UBE2R2: variants seen among roughly 807,000 people sequenced by gnomAD.
UBE2R2 encodes the protein ubiquitin conjugating enzyme E2 R2, also known as ubiquitin-conjugating enzyme E2 R2.
In UBE2R2, 1 loss-of-function variant was observed where a neutral mutation model predicts 27.8. The observed-to-expected ratio is 0.04, with a 90% CI of 0.01 to 0.17. The LOEUF (loss-of-function observed/expected upper bound fraction) is 0.17. Ranked by LOEUF, UBE2R2 falls within the 10% of genes least tolerant of loss-of-function variation. UBE2R2 has a pLI of 1.00. For synonymous variants in UBE2R2, 106 were observed against 113.3 expected (o/e 0.94, Z 0.41); for missense variants, 100 against 291.0 (o/e 0.34, Z 4.78).
intron 1 of UBE2R2, among the ~76,000 whole-genome samples, chr9:33,872,763 G>T (rs1165342438): frequency 6.7e-6 from 1 of 149,878 alleles, no homozygotes; most frequent in Non-Finnish European, 1.5e-5. Flanking sequence ...TCCAGCCTGG[G>T]CAACAAGAGC....
chr9:33,863,714 T>G (rs1304653257), intron 1 of UBE2R2, among the ~76,000 whole-genome samples: 1 of 152,142 alleles, frequency 6.6e-6, no homozygotes, highest in Non-Finnish European at 1.5e-5. Context: ...AGATAGAATC[T>G]CGTTGTGTCA....
upstream of UBE2R2, among the ~76,000 whole-genome samples, chr9:33,815,660 C>T (rs1283596633): frequency 6.6e-6 from 1 of 152,196 alleles, no homozygotes; most frequent in African/African-American, 2.4e-5. Flanking sequence ...TAGAGGATGG[C>T]TTAAGCCCAG....
intron 1 of UBE2R2, among the ~76,000 whole-genome samples, chr9:33,877,825 C>CTGTCTGTCTGTCTGTCTCTCTT (rs760584943): frequency 7.0e-6 from 1 of 143,696 alleles, no homozygotes; most frequent in Admixed American, 6.9e-5. Context: ...GTCTGTCTGT[C>CTGTCTGTCTGTCTGTCTCTCTT]TCTCTCTCTC....
At chr9:33,867,963 C>T (rs564762559) in intron 1 of UBE2R2, among the ~76,000 whole-genome samples, 4 of 152,230 alleles carry the variant, frequency 2.6e-5, no homozygotes, top group African/African-American at 9.6e-5. Context: ...GGATGGTGGC[C>T]CCTGTCCTCT....
At position 33,917,698 on chromosome 9, in the gene UBE2R2, A is replaced by C; in HGVS notation, c.*461A>C. On this transcript the variant is annotated 3_prime_UTR_variant, in exon 5 of 5. Transcript: ENST00000263228. ...AAATGGAAAAAAACCCACAAAACAAACTTTAAAAAAAAAAAAAAACAAATT... is the reference window on the plus strand; with the variant it reads ...AAATGGAAAAAAACCCACAAAACAACCTTTAAAAAAAAAAAAAAACAAATT... 1.0e-5 allele frequency: 2 copies of C among 200,340 alleles called. No homozygotes were observed. Among genetic ancestry groups the C allele is most frequent in the African/African-American group, 2.3e-5 (1 of 42,704 alleles). The allele number at this position is 200,340 out of a possible 1,614,324, so 12.4% of individuals were successfully genotyped here.
chr9:33,877,250 C>T (rs1176590674), intron 1 of UBE2R2, among the ~76,000 whole-genome samples: 2 of 147,796 alleles, frequency 1.4e-5, no homozygotes, highest in African/African-American at 2.5e-5. Flanking sequence ...GGCGCGATCT[C>T]GGCTCACTGC....
At chr9:33,834,380 T>A (rs1820566697) in intron 1 of UBE2R2, among the ~76,000 whole-genome samples, 1 of 151,598 alleles carries the variant, frequency 6.6e-6, no homozygotes, top group Non-Finnish European at 1.5e-5. Flanking sequence ...CCCAGCTGAT[T>A]TTTTGTATTT....
chr9:33,891,190 C>A (rs1276050169), intron 2 of UBE2R2, among the ~76,000 whole-genome samples: 1 of 151,656 alleles, frequency 6.6e-6, no homozygotes, highest in South Asian at 2.1e-4. Flanking sequence ...GCTGGGATTA[C>A]AGGTGCCTGC....
At chr9:33,841,525 CTAT>C (rs1396977336) in intron 1 of UBE2R2, among the ~76,000 whole-genome samples, 1 of 152,062 alleles carries the variant, frequency 6.6e-6, no homozygotes, top group Non-Finnish European at 1.5e-5. Flanking sequence ...GATTTATAAC[CTAT>C]TATTTCTTCA....
chr9:33,836,902 G>A (rs1040738226), intron 1 of UBE2R2, among the ~76,000 whole-genome samples: 5 of 152,036 alleles, frequency 3.3e-5, no homozygotes, highest in African/African-American at 4.8e-5. Flanking sequence ...TTAGAATTTC[G>A]AGGACATTAC....
chr9:33,878,010 G>A (rs111531864), intron 1 of UBE2R2, among the ~76,000 whole-genome samples: 29,885 of 151,832 alleles, frequency 0.2, 3,219 homozygotes, highest in South Asian at 0.33. Context: ...GCCCACCTCA[G>A]CCTCCCAAAG....
At chr9:33,847,394 C>A (rs1215249695) in intron 1 of UBE2R2, among the ~76,000 whole-genome samples, 1 of 152,066 alleles carries the variant, frequency 6.6e-6, no homozygotes, top group Non-Finnish European at 1.5e-5. Flanking sequence ...TGCGCCCGGC[C>A]CTGGCTTGCT....
intron 1 of UBE2R2, among the ~76,000 whole-genome samples, chr9:33,875,035 G>A (rs13299642): frequency 0.068 from 10,267 of 150,428 alleles, 492 homozygotes; most frequent in Non-Finnish European, 0.099. Context: ...GGCTGGTCTC[G>A]AACTCCTGAC....
chr9:33,863,315 C>T (rs998713694), intron 1 of UBE2R2, among the ~76,000 whole-genome samples: 9 of 151,730 alleles, frequency 5.9e-5, no homozygotes, highest in African/African-American at 2.2e-4. Context: ...CCTGAGGTCC[C>T]AGCCTGGTCA....
rs1294994319 is a variant in UBE2R2 at position 33,839,933 on chromosome 9, C to T, written c.177+21999C>T. ...ATTGCTTGAGCACAGAAGTTTGAGGCTGCAGTGAGCTATGATTGTGCCATT... is the reference window on the plus strand; with the variant it reads ...ATTGCTTGAGCACAGAAGTTTGAGGTTGCAGTGAGCTATGATTGTGCCATT... On this transcript the variant is annotated intron_variant, in intron 1 of 4. Transcript: ENST00000263228. Among the ~76,000 whole-genome samples the T allele has an allele frequency of 3.3e-5, 5 of 151,968 alleles. No homozygotes were observed. The East Asian group carries it at 9.6e-4, about 29-fold the overall frequency.
chr9:33,916,875 C>A, intron 4 of UBE2R2, 143 bp from the exon 5 acceptor site: 1 of 1,322,108 alleles, frequency 7.6e-7, no homozygotes, highest in Non-Finnish European at 1.0e-6. Flanking sequence ...TGGTGTAGTA[C>A]AGGGTATCTG....
intron 3 of UBE2R2, among the ~76,000 whole-genome samples, chr9:33,909,228 T>C (rs931980362): frequency 6.6e-6 from 1 of 152,112 alleles, no homozygotes; most frequent in Non-Finnish European, 1.5e-5. Flanking sequence ...GGCTCACGCC[T>C]GTAGTCCCAC....
At chr9:33,844,184 C>G (rs1204340037) in intron 1 of UBE2R2, among the ~76,000 whole-genome samples, 1 of 149,400 alleles carries the variant, frequency 6.7e-6, no homozygotes, top group Non-Finnish European at 1.5e-5. Context: ...AATTAATAAG[C>G]CTTTTTCTGT....
chr9:33,893,577 A>G (rs946459039), intron 2 of UBE2R2, among the ~76,000 whole-genome samples: 1 of 152,172 alleles, frequency 6.6e-6, no homozygotes, highest in South Asian at 2.1e-4. Context: ...TTTGGGTTAC[A>G]TACCTAGGAG....
Sources: gnomAD v4.1 joint callset for allele counts (sites outside exome capture counted in the v4.1 genomes callset) on GRCh38, gnomAD v4.1.1 for gene constraint, MANE v1.5 for transcripts, NCBI Gene and HGNC (gene_info 2026-07-23, HGNC 2026-07-21) for gene names.